MAP1S: variants seen among roughly 807,000 people sequenced by gnomAD.
MAP1S encodes microtubule-associated protein 1S.
Under a neutral mutation model 60.9 loss-of-function variants are expected in MAP1S, and 27 were observed. That is an observed-to-expected ratio of 0.44 (90% CI 0.33 to 0.61). MAP1S has a LOEUF of 0.61. Ranked by LOEUF, MAP1S falls within the 20% of genes least tolerant of loss-of-function variation. MAP1S has a pLI of 0.03. For missense variants in MAP1S, 1,608 were observed against 1,486.6 expected, an observed-to-expected ratio of 1.08 and a Z score of -1.34; for synonymous variants, 826 against 694.2, an observed-to-expected ratio of 1.19 and a Z score of -2.98.
chr19:17,731,081 C>T (rs1385592974), intron 5 of MAP1S, among the ~76,000 whole-genome samples: 1 of 151,628 alleles, frequency 6.6e-6, no homozygotes, highest in African/African-American at 2.4e-5. Flanking sequence ...TTTTAGTAGA[C>T]ACGGGGTTTC....
At position 17,726,238 on chromosome 19, in the gene MAP1S, TG is replaced by T; in HGVS notation, c.856del (p.Asp286MetfsTer5). The T allele has an allele frequency of 6.2e-7, 1 of 1,608,220 alleles. No individual in the cohort carries two copies. Among genetic ancestry groups the T allele is most frequent in the East Asian group, 2.2e-5 (1 of 44,590 alleles). On this transcript the variant is annotated frameshift_variant, in exon 5 of 7. Transcript: ENST00000324096. LOFTEE classifies it high-confidence loss of function. Reference protein sequence around the residue: ...FWKLVRHLDRVDAVLVTHPGA... With the variant: ...FWKLVRHLDRXDAVLVTHPGA... ...AAGCTGGTGCGGCACCTGGACCGCG[TG>T]GATGCCGTGCTGGTGACCCACCCTG...
Position 17,724,199 on chromosome 19 carries a change from G to A in MAP1S, c.294G>A (p.Leu98=). The A allele has an allele frequency of 3.7e-6, 6 of 1,613,854 alleles. No individual in the cohort carries two copies. The highest frequency in any genetic ancestry group is 5.1e-6 in the Non-Finnish European group (6 of 1,179,876). Residue 98 remains leucine, a synonymous_variant, in exon 3 of 7, where the codon CTG becomes CTA. Transcript: ENST00000324096. Reference sequence around the variant, plus strand: ...TCCTGAACCCATCAGACAAGTCCCTGTATGATGAGGTAGGGAATGGCTGAC... The same window carrying A: ...TCCTGAACCCATCAGACAAGTCCCTATATGATGAGGTAGGGAATGGCTGAC... ...LVLLNPSDKS[L]YDELRNLLLD...
chr19:17,729,821 C>T (rs1413983346), intron 5 of MAP1S, among the ~76,000 whole-genome samples: 1 of 152,102 alleles, frequency 6.6e-6, no homozygotes, highest in Non-Finnish European at 1.5e-5. Context: ...CGCAACCATG[C>T]CCAGCTAATT....
In MAP1S at chr19:17,726,013, TCCTGGAGTA is replaced by T. The variant is rs2080415319; in HGVS notation, c.631_639del (p.Leu211_Tyr213del). ...CCCAACTCTGAGGGCCTGTGCGAAT[TCCTGGAGTA>T]CGTGGCTGAGTCTCTGGAGCCACCG... On this transcript the variant is annotated inframe_deletion, in exon 5 of 7. Transcript: ENST00000324096. 1 of 1,612,686 alleles carries T rather than the reference TCCTGGAGTA, an allele frequency of 6.2e-7. No individual in the cohort carries two copies. Among genetic ancestry groups the T allele is most frequent in the Admixed American group, 1.7e-5 (1 of 59,868 alleles).
intron 3 of MAP1S, 91 bp downstream of exon 3, chr19:17,724,299 C>G: frequency 9.6e-7 from 1 of 1,044,948 alleles, no homozygotes; most frequent in South Asian, 1.3e-5. Flanking sequence ...TTCATGCTGC[C>G]CCAGATCCTC....
chr19:17,726,907 G>A lies in MAP1S; in HGVS notation c.1523G>A (p.Arg508Gln), dbSNP rs1317857813. 3 of 1,562,436 alleles carry A rather than the reference G, an allele frequency of 1.9e-6. No individual in the cohort carries two copies. The highest frequency in any genetic ancestry group is 1.9e-5 in the Admixed American group (1 of 51,870). ...RPGVARKEPA[R>Q]AEAPRKTEKE... ...GGGGTGGCCCGCAAGGAGCCAGCAC[G>A]GGCTGAGGCCCCACGCAAGACTGAG... The change falls in exon 5 of 7, where the codon CGG (arginine) becomes CAG (glutamine). Residue 508 changes from arginine (R) to glutamine (Q), a missense_variant. By Grantham distance (43) the Arg-to-Gln change is conservative. Around this residue, in one of 4 missense-constraint regions of MAP1S, gnomAD observed 1,167 missense variants for 961.4 expected, o/e 1.21. Coordinates refer to ENST00000324096, the MANE Select transcript of MAP1S (RefSeq NM_018174.6).
At position 17,727,083 on chromosome 19, in the gene MAP1S, A is replaced by G. The variant is rs766329253; in HGVS notation, c.1699A>G (p.Ser567Gly). 17 of 1,605,162 alleles carry G rather than the reference A, an allele frequency of 1.1e-5. No individual in the cohort carries two copies. The Admixed American group carries it at 2.7e-4, about 25-fold the overall frequency. ...GGCACCCAAGCCCCGCAAAGCGCCC[A>G]GCACGTCCCACTCTGGCTTCCCGCC... ...QAAPKPRKAP[S>G]TSHSGFPPVA... Residue 567 changes from serine to glycine, a missense_variant, in exon 5 of 7, where the codon AGC (serine) becomes GGC (glycine). Around this residue, in one of 4 missense-constraint regions of MAP1S, gnomAD observed 1,167 missense variants for 961.4 expected, o/e 1.21. Transcript: ENST00000324096. The surrounding 1 kb of genome is among the most constrained non-coding windows in gnomAD (Gnocchi z 4.1).
In MAP1S at chr19:17,725,805, C is replaced by T; in HGVS notation, c.445-24C>T. 2 of 1,595,812 alleles carry T rather than the reference C, an allele frequency of 1.3e-6. No individual in the cohort carries two copies. Among genetic ancestry groups the T allele is most frequent in the Non-Finnish European group, 1.7e-6 (2 of 1,171,758 alleles). On this transcript the variant is annotated intron_variant, in intron 4 of 6. Transcript: ENST00000324096. The surrounding 1 kb of genome is among the most constrained non-coding windows in gnomAD (Gnocchi z 4.2). ...AGGTGTTGCCTGGCTCTAGGTGGTC[C>T]CTTACCACTCCTCCTCCATACAGAT...
chr19:17,719,527 G>C lies in MAP1S; in HGVS notation c.25G>C (p.Ala9Pro). 1 of 1,246,018 alleles carries C rather than the reference G, an allele frequency of 8.0e-7. No individual in the cohort carries two copies. Among genetic ancestry groups the C allele is most frequent in the Non-Finnish European group, 1.0e-6 (1 of 987,692 alleles). The allele number at this position is 1,246,018 out of a possible 1,614,324, so 77.2% of individuals were successfully genotyped here. Residue 9 changes from alanine (A) to proline (P), a missense_variant, in exon 1 of 7, where the codon GCT (alanine) becomes CCT (proline). Coordinates refer to ENST00000324096, the MANE Select transcript of MAP1S (RefSeq NM_018174.6). ...GATGGCGGCGGTGGCTGGATCTGGG[G>C]CTGCCGCGGCTCCGAGCTCACTGCT... The part of the protein sequence containing the change: MAAVAGSG[A>P]AAAPSSLLLV...
Position 17,721,109 on chromosome 19 carries a change from TGGG to T in MAP1S, c.220+76_220+78del, listed in dbSNP as rs1350489495. On this transcript the variant is annotated intron_variant, in intron 2 of 6. Coordinates refer to ENST00000324096, the MANE Select transcript of MAP1S (RefSeq NM_018174.6). ...GGAAGTGCCAGCCGTGTGCCAGGCA[TGGG>T]GGGTGGGATGCAGCTATAAATAACA... 59 of 1,180,818 alleles carry T rather than the reference TGGG, an allele frequency of 5.0e-5. No individual in the cohort carries two copies. The East Asian group carries it at 1.4e-3, about 27-fold the overall frequency. The allele number at this position is 1,180,818 out of a possible 1,614,324, so 73.1% of individuals were successfully genotyped here. A position where few individuals can be genotyped will look rare whatever the true frequency, so the allele number is the denominator to read the frequency against.
chr19:17,727,888 C>T lies in MAP1S; in HGVS notation c.2504C>T (p.Pro835Leu). 6.2e-7 allele frequency: 1 copy of T among 1,613,160 alleles called. No individual in the cohort carries two copies. The highest frequency in any genetic ancestry group is 1.7e-5 in the Admixed American group (1 of 59,998). Residue 835 changes from proline to leucine, a missense_variant, in exon 5 of 7, where the codon CCT (proline) becomes CTT (leucine). This residue lies in a region of MAP1S where 1,167 missense variants were observed against 961.4 expected (regional missense o/e 1.21). Transcript: ENST00000324096. The surrounding 1 kb of genome is among the most constrained non-coding windows in gnomAD (Gnocchi z 4.1). ...PDPLKVPPPL[P>L]DPSSICMVDP... The stretch of plus-strand genomic sequence containing the variant: ...CCCCTCAAGGTCCCCCCACCACTGC[C>T]TGACCCATCCAGCATCTGCATGGTG...
Position 17,727,126 on chromosome 19 carries a change from G to A in MAP1S, c.1742G>A (p.Arg581His), listed in dbSNP as rs374561095. ...TTCCCGCCGGTGGCAAATGGACCCC[G>A]CAGCCCGCCCAGCCTCCGATGTGGA... ...SGFPPVANGPRSPPSLRCGEA... is the reference protein window; with the variant it reads ...SGFPPVANGPHSPPSLRCGEA... Residue 581 changes from arginine to histidine, a missense_variant, in exon 5 of 7, where the codon CGC becomes CAC. Arg to His is a conservative substitution (Grantham distance 29, BLOSUM62 0). Around this residue, in one of 4 missense-constraint regions of MAP1S, gnomAD observed 1,167 missense variants for 961.4 expected, o/e 1.21. Transcript: ENST00000324096. This position sits in a 1 kb window ranked among gnomAD's most constrained non-coding sequence, Gnocchi z 4.1. 16 of 1,594,876 alleles carry A rather than the reference G, an allele frequency of 1.0e-5. No individual in the cohort carries two copies. The highest frequency in any genetic ancestry group is 1.6e-4 in the Middle Eastern group (1 of 6,070).
chr19:17,727,135 C>G lies in MAP1S; in HGVS notation c.1751C>G (p.Pro584Arg). The change falls in exon 5 of 7, where the codon CCC (proline) becomes CGC (arginine). Residue 584 changes from proline (P) to arginine (R), a missense_variant. Pro to Arg is a moderately radical substitution (Grantham distance 103, BLOSUM62 -2). Transcript: ENST00000324096. This position sits in a 1 kb window ranked among gnomAD's most constrained non-coding sequence, Gnocchi z 4.1. ...PPVANGPRSP[P>R]SLRCGEASPP... ...GTGGCAAATGGACCCCGCAGCCCGC[C>G]CAGCCTCCGATGTGGAGAAGCCAGC... The G allele has an allele frequency of 6.3e-7, 1 of 1,592,512 alleles. No individual in the cohort carries two copies. The highest frequency in any genetic ancestry group is 8.5e-7 in the Non-Finnish European group (1 of 1,172,528).
chr19:17,723,981 T>C, intron 2 of MAP1S, 145 bp from the exon 3 acceptor site: 1 of 628,814 alleles, frequency 1.6e-6, no homozygotes, highest in Non-Finnish European at 2.8e-6. Context: ...AGTTTCTCTT[T>C]CTTGCCTGGT....
intron 2 of MAP1S, among the ~76,000 whole-genome samples, chr19:17,723,632 C>T (rs966684612): frequency 2.0e-4 from 30 of 151,966 alleles, no homozygotes; most frequent in African/African-American, 6.8e-4. Flanking sequence ...AGGCGGATCA[C>T]GAGGTCAGGA....
At chr19:17,724,251 C>A in intron 3 of MAP1S, 43 bp downstream of exon 3, 1 of 1,513,908 alleles carries the variant, frequency 6.6e-7, no homozygotes, top group Non-Finnish European at 9.2e-7. Context: ...GCTGCTGGGA[C>A]CCGTGCCTTC....
chr19:17,727,433 C>T lies in MAP1S; in HGVS notation c.2049C>T (p.Pro683=), dbSNP rs1460093718. 13 of 1,602,254 alleles carry T rather than the reference C, an allele frequency of 8.1e-6. No individual in the cohort carries two copies. The highest frequency in any genetic ancestry group is 9.4e-6 in the Non-Finnish European group (11 of 1,175,062). The change falls in exon 5 of 7, where the codon CCC becomes CCT. Residue 683 remains proline, a synonymous_variant. Transcript: ENST00000324096. This position sits in a 1 kb window ranked among gnomAD's most constrained non-coding sequence, Gnocchi z 4.1. ...TTPTVTTPSL[P]AEVGSPHSTE... is the part of the protein sequence containing the mutation. ...CCACGGTGACCACGCCCTCACTACC[C>T]GCAGAGGTGGGCTCCCCGCACTCGA...
In MAP1S at chr19:17,726,753, C is replaced by G. The variant is rs2080429574; in HGVS notation, c.1369C>G (p.Pro457Ala). Residue 457 changes from proline to alanine, a missense_variant, in exon 5 of 7, where the codon CCC (proline) becomes GCC (alanine). Physicochemically the swap from Pro to Ala is conservative, Grantham distance 27. This residue lies in a region of MAP1S where 1,167 missense variants were observed against 961.4 expected (regional missense o/e 1.21). Coordinates refer to ENST00000324096, the MANE Select transcript of MAP1S (RefSeq NM_018174.6). ...GCAGCACTTGAGGTTCCTGCGAGAG[C>G]CCGTGGTGACGCCCCAGGACCTGGA... ...RLQHLRFLRE[P>A]VVTPQDLEGP... The G allele has an allele frequency of 1.9e-6, 3 of 1,569,512 alleles. No individual in the cohort carries two copies. Among genetic ancestry groups the G allele is most frequent in the Non-Finnish European group, 2.6e-6 (3 of 1,161,216 alleles).
rs747424815 is a variant in MAP1S at position 17,727,132 on chromosome 19, C to T, written c.1748C>T (p.Pro583Leu). The T allele has an allele frequency of 3.9e-5, 62 of 1,593,426 alleles. No individual in the cohort carries two copies. Among genetic ancestry groups the T allele is most frequent in the Non-Finnish European group, 4.8e-5 (56 of 1,173,240 alleles). Residue 583 changes from proline to leucine, a missense_variant, in exon 5 of 7, where the codon CCG becomes CTG. Pro to Leu is a moderately conservative substitution (Grantham distance 98). Coordinates refer to ENST00000324096, the MANE Select transcript of MAP1S (RefSeq NM_018174.6). The surrounding 1 kb of genome is among the most constrained non-coding windows in gnomAD (Gnocchi z 4.1). ...CCGGTGGCAAATGGACCCCGCAGCC[C>T]GCCCAGCCTCCGATGTGGAGAAGCC... The part of the protein sequence containing the change: ...FPPVANGPRS[P>L]PSLRCGEASP...
Sources: gnomAD v4.1 joint callset for allele counts (sites outside exome capture counted in the v4.1 genomes callset) on GRCh38, gnomAD v4.1.1 for gene constraint, gnomAD v4.1.1 regional missense constraint, Gnocchi (gnomAD v3.1) non-coding constraint, MANE v1.5 for transcripts, NCBI Gene and HGNC (gene_info 2026-07-23, HGNC 2026-07-21) for gene names.